Variants in CHLSN observed in about 807,000 individuals in gnomAD.
CHLSN encodes protein cholesin.
chr7:1,074,209 C>G, the CHLSN span, among the ~76,000 whole-genome samples: 1 of 43,814 alleles, frequency 2.3e-5, no homozygotes, highest in Non-Finnish European at 4.7e-5. Flanking sequence ...CTGTGACGCC[C>G]CCCGACCCCG....
At chr7:984,123 C>T in the CHLSN span, among the ~76,000 whole-genome samples, 1 of 152,206 alleles carries the variant, frequency 6.6e-6, no homozygotes, top group Non-Finnish European at 1.5e-5. Context: ...CAGCCCCCGA[C>T]CTTGCCGCCT....
the CHLSN span, among the ~76,000 whole-genome samples, chr7:1,117,554 A>G: frequency 7.5e-6 from 1 of 133,258 alleles, no homozygotes; most frequent in Non-Finnish European, 1.5e-5. Context: ...TCCATCACCA[A>G]TGTCCACGCA....
the CHLSN span, among the ~76,000 whole-genome samples, chr7:996,698 C>T: frequency 4.6e-5 from 7 of 152,374 alleles, no homozygotes; most frequent in African/African-American, 1.4e-4. Flanking sequence ...CGGTGCCCCG[C>T]GGCACCTCAC....
At chr7:1,059,776 G>C in the CHLSN span, among the ~76,000 whole-genome samples, 1 of 33,288 alleles carries the variant, frequency 3.0e-5, no homozygotes, top group Admixed American at 3.3e-4. Flanking sequence ...GGGCGGGTCC[G>C]TAATGAGGCG....
the CHLSN span, among the ~76,000 whole-genome samples, chr7:1,070,308 G>A: frequency 2.1e-5 from 3 of 143,590 alleles, no homozygotes; most frequent in East Asian, 5.9e-4. Flanking sequence ...GAGGGAGGTG[G>A]GGGGTCAGCC....
chr7:1,047,467 T>C, the CHLSN span, among the ~76,000 whole-genome samples: 1 of 152,280 alleles, frequency 6.6e-6, no homozygotes, highest in Admixed American at 6.5e-5. Flanking sequence ...GGAATCAGTG[T>C]GCGTAAGCTC....
chr7:1,023,473 G>C, the CHLSN span, among the ~76,000 whole-genome samples: 1 of 151,864 alleles, frequency 6.6e-6, no homozygotes, highest in Non-Finnish European at 1.5e-5. The surrounding 1 kb of genome is among the most constrained non-coding windows in gnomAD (Gnocchi z 5.0). Context: ...AGGCCTCCTG[G>C]GAACCTGGGA....
chr7:1,017,231 G>A, the CHLSN span, among the ~76,000 whole-genome samples: 1 of 152,354 alleles, frequency 6.6e-6, no homozygotes, highest in South Asian at 2.1e-4. Context: ...GGCAGAGAAA[G>A]GACCCACTGT....
chr7:1,104,395 G>A, the CHLSN span, among the ~76,000 whole-genome samples: 4 of 152,172 alleles, frequency 2.6e-5, no homozygotes, highest in Non-Finnish European at 4.4e-5. Context: ...GGGAAACAGC[G>A]AGACCCATCT....
the CHLSN span, among the ~76,000 whole-genome samples, chr7:1,071,000 G>A: frequency 6.9e-6 from 1 of 145,706 alleles, no homozygotes; most frequent in Non-Finnish European, 1.6e-5. Flanking sequence ...ACACACACGT[G>A]CACACGCACA....
At chr7:1,038,640 C>T in the CHLSN span, among the ~76,000 whole-genome samples, 1 of 113,960 alleles carries the variant, frequency 8.8e-6, no homozygotes, top group Admixed American at 7.8e-5. Flanking sequence ...GCCAGCCGCC[C>T]CGTCCGGGAG....
At chr7:1,044,668 GC>G in the CHLSN span, 1 of 152,044 alleles carries the variant, frequency 6.6e-6, no homozygotes, top group Non-Finnish European at 1.5e-5. Flanking sequence ...GGTGAGTGGG[GC>G]CCGGGAGCCT....
At chr7:1,006,072 T>C in the CHLSN span, among the ~76,000 whole-genome samples, 1 of 152,250 alleles carries the variant, frequency 6.6e-6, no homozygotes, top group Non-Finnish European at 1.5e-5. Context: ...TTCTCTTTAA[T>C]GAGGAACAGG....
chr7:1,133,593 A>G, the CHLSN span, among the ~76,000 whole-genome samples: 1 of 145,758 alleles, frequency 6.9e-6, no homozygotes, highest in African/African-American at 2.7e-5. Flanking sequence ...TACTAAAAAT[A>G]CAAAAAAAAA....
chr7:1,064,409 G>A, the CHLSN span, among the ~76,000 whole-genome samples: 1 of 152,084 alleles, frequency 6.6e-6, no homozygotes, highest in African/African-American at 2.4e-5. Context: ...CGCTGTGCAG[G>A]GAGGCTGCCC....
the CHLSN span, among the ~76,000 whole-genome samples, chr7:1,095,694 C>A: frequency 6.6e-6 from 1 of 152,246 alleles, no homozygotes; most frequent in African/African-American, 2.4e-5. Context: ...CCCCACCACA[C>A]CAAGGAGGCA....
At chr7:1,080,577 G>A in the CHLSN span, among the ~76,000 whole-genome samples, 3 of 152,232 alleles carry the variant, frequency 2.0e-5, no homozygotes, top group East Asian at 1.9e-4. Flanking sequence ...GGAACAGGAC[G>A]GTTTGTGCGC....
chr7:1,022,017 C>T, the CHLSN span, among the ~76,000 whole-genome samples: 1 of 152,206 alleles, frequency 6.6e-6, no homozygotes, highest in Admixed American at 6.5e-5. Flanking sequence ...GCGATGACGG[C>T]CCACAGGCGT....
chr7:1,133,733 G>A, the CHLSN span, among the ~76,000 whole-genome samples: 6 of 138,854 alleles, frequency 4.3e-5, no homozygotes, highest in East Asian at 4.1e-4. Flanking sequence ...CAGCCTGGGC[G>A]AGAATGAGAC....
Sources: allele counts gnomAD v4.1 joint callset (sites outside exome capture counted in the v4.1 genomes callset), GRCh38; gene constraint gnomAD v4.1.1; non-coding constraint Gnocchi (gnomAD v3.1); transcripts MANE v1.5; gene names NCBI Gene and HGNC (gene_info 2026-07-23, HGNC 2026-07-21).